The following EYA2 variants were observed in gnomAD, a reference collection of about 807,000 sequenced individuals.
The protein encoded by EYA2 is EYA transcriptional coactivator and phosphatase 2.
EYA2 carries 31 observed loss-of-function variants against 69.2 expected under a neutral mutation model. That is an observed-to-expected ratio of 0.45 (90% CI 0.34 to 0.60). The LOEUF is 0.60. EYA2 is among the 20% of genes least tolerant of loss of function. The pLI, the probability that EYA2 is intolerant of heterozygous loss-of-function variation, is 0.02. For missense variants in EYA2, 622 were observed against 701.2 expected, an observed-to-expected ratio of 0.89 and a Z score of 1.28; for synonymous variants, 257 against 279.4, an observed-to-expected ratio of 0.92 and a Z score of 0.80.
At chr20:47,156,005 C>G (rs1315317416) in intron 10 of EYA2, among the ~76,000 whole-genome samples, 1 of 144,764 alleles carries the variant, frequency 6.9e-6, no homozygotes, top group Non-Finnish European at 1.5e-5. Flanking sequence ...GGCGAAATCC[C>G]GTCTCTACTT....
rs547451815 is a variant in EYA2 at position 47,037,221 on chromosome 20, T to A, written c.415+20924T>A. Among the ~76,000 whole-genome samples the A allele has an allele frequency of 2.0e-5, 3 of 152,226 alleles. No homozygotes were observed. In the East Asian group the frequency reaches 5.8e-4, roughly 29 times the overall value. On this transcript the variant is annotated intron_variant, in intron 5 of 15. Coordinates refer to ENST00000327619, the MANE Select transcript of EYA2 (RefSeq NM_005244.5). ...CCATGGCTCAATTACCTCCTCCAAG[T>A]CTCTCCCTTGACACCTGGGGATTAT... is the stretch of plus-strand genomic sequence containing the variant.
At chr20:46,964,857 A>G in intron 1 of EYA2, among the ~76,000 whole-genome samples, 1 of 152,156 alleles carries the variant, frequency 6.6e-6, no homozygotes, top group East Asian at 1.9e-4. Flanking sequence ...TGTGGGAGCC[A>G]AGCTGCTTGG....
intron 1 of EYA2, among the ~76,000 whole-genome samples, chr20:46,934,249 C>T (rs1985804499): frequency 6.6e-6 from 1 of 152,134 alleles, no homozygotes; most frequent in Admixed American, 6.5e-5. Context: ...ATGGCTGTAT[C>T]CAGGCACTCA....
intron 10 of EYA2, among the ~76,000 whole-genome samples, chr20:47,148,219 T>G: frequency 6.6e-6 from 1 of 152,106 alleles, no homozygotes; most frequent in Non-Finnish European, 1.5e-5. Context: ...TCTCCTAACC[T>G]GGGCAAGTCT....
rs188336990 is a variant in EYA2, at chr20:46,958,192, C to T, written c.-10-31809C>T. ...CGAGTCTGGTAAATGGGTTCAGCTG[C>T]GCCTGTGTCTCCCTCTCTGCCTCCT... On this transcript the variant is annotated intron_variant, in intron 1 of 15. Transcript: ENST00000327619. Among the ~76,000 whole-genome samples the T allele has an allele frequency of 3.9e-5, 6 of 152,282 alleles. No individual in the cohort carries two copies. The South Asian group carries it at 6.2e-4, about 16-fold the overall frequency.
intron 5 of EYA2, among the ~76,000 whole-genome samples, chr20:47,041,174 T>A (rs1421689930): frequency 1.3e-5 from 2 of 152,186 alleles, no homozygotes; most frequent in Non-Finnish European, 2.9e-5. Flanking sequence ...AAAAATCTGA[T>A]TTCTGTTCTC....
chr20:47,082,643 C>G (rs2031761855), intron 7 of EYA2, among the ~76,000 whole-genome samples: 1 of 152,168 alleles, frequency 6.6e-6, no homozygotes. Flanking sequence ...AAAATGCCAG[C>G]TCTTCCCAAA....
At chr20:46,936,428 G>T (rs921983213) in intron 1 of EYA2, among the ~76,000 whole-genome samples, 1 of 152,146 alleles carries the variant, frequency 6.6e-6, no homozygotes, top group African/African-American at 2.4e-5. Context: ...CCAACATCAC[G>T]CCATGGCCCT....
intron 9 of EYA2, among the ~76,000 whole-genome samples, chr20:47,140,275 T>C (rs1194075312): frequency 2.0e-5 from 3 of 152,166 alleles, no homozygotes; most frequent in Non-Finnish European, 4.4e-5. Context: ...TCTTCATTTT[T>C]CACTGAGTAC....
chr20:47,098,117 G>A (rs188599956), intron 9 of EYA2, among the ~76,000 whole-genome samples: 360 of 152,294 alleles, frequency 2.4e-3, no homozygotes, highest in Non-Finnish European at 3.8e-3. Flanking sequence ...TAGATTTATC[G>A]TCTGCCATTA....
At chr20:47,075,386 T>C (rs1394296416) in intron 7 of EYA2, among the ~76,000 whole-genome samples, 1 of 152,144 alleles carries the variant, frequency 6.6e-6, no homozygotes, top group Non-Finnish European at 1.5e-5. Context: ...CCCCACCCTT[T>C]TTCTAGATAA....
At chr20:47,087,974 C>T (rs1296905575) in intron 7 of EYA2, among the ~76,000 whole-genome samples, 1 of 152,224 alleles carries the variant, frequency 6.6e-6, no homozygotes, top group Non-Finnish European at 1.5e-5. Flanking sequence ...CGCCTGTAAT[C>T]CCAGCACTTT....
chr20:47,164,959 C>T (rs915154723), intron 10 of EYA2, among the ~76,000 whole-genome samples: 11 of 152,166 alleles, frequency 7.2e-5, no homozygotes, highest in Admixed American at 6.5e-5. Flanking sequence ...AGACAAGCTG[C>T]CGGCCTGGCT....
At chr20:47,078,373 T>A (rs2031603965) in intron 7 of EYA2, among the ~76,000 whole-genome samples, 1 of 146,730 alleles carries the variant, frequency 6.8e-6, no homozygotes, top group Non-Finnish European at 1.5e-5. Context: ...ATTCATGCAC[T>A]CTTTTTAAAT....
At chr20:47,161,525 G>T in intron 10 of EYA2, 1 of 420,596 alleles carries the variant, frequency 2.4e-6, no homozygotes, top group Non-Finnish European at 4.7e-6. Flanking sequence ...TGACCAGGTG[G>T]CCCAGCTTGG....
intron 5 of EYA2, among the ~76,000 whole-genome samples, chr20:47,071,156 C>T (rs1244414751): frequency 1.3e-5 from 2 of 152,110 alleles, no homozygotes; most frequent in Non-Finnish European, 2.9e-5. Flanking sequence ...ATTACAGGCA[C>T]ACACCACCAC....
At chr20:47,131,371 C>T (rs1465828718) in intron 9 of EYA2, among the ~76,000 whole-genome samples, 2 of 152,178 alleles carry the variant, frequency 1.3e-5, no homozygotes, top group African/African-American at 4.8e-5. Flanking sequence ...GCGGAGGTGC[C>T]ACACCTGCCG....
chr20:47,161,608 G>A (rs1568817546), intron 10 of EYA2: 2 of 248,696 alleles, frequency 8.0e-6, no homozygotes, highest in South Asian at 8.7e-5. Context: ...CCCTGTCCGC[G>A]GCTATGACCC....
At chr20:47,088,053 C>G (rs896415082) in intron 7 of EYA2, among the ~76,000 whole-genome samples, 5 of 151,984 alleles carry the variant, frequency 3.3e-5, no homozygotes, top group Admixed American at 6.6e-5. Context: ...AGGGTGAAAC[C>G]TCGTCTCCCT....
Sources: allele counts gnomAD v4.1 joint callset (sites outside exome capture counted in the v4.1 genomes callset), GRCh38; gene constraint gnomAD v4.1.1; transcripts MANE v1.5; gene names NCBI Gene and HGNC (gene_info 2026-07-23, HGNC 2026-07-21).